The following GPR39 variants were observed in gnomAD, a reference collection of about 807,000 sequenced individuals.
GPR39 encodes zinc sensing receptor.
GPR39 carries 23 observed loss-of-function variants against 18.4 expected under a neutral mutation model. The ratio of observed to expected loss-of-function variants is 1.25; its 90% CI spans 0.90 to 1.77. The LOEUF (loss-of-function observed/expected upper bound fraction) is 1.77. GPR39 is among the 40% of genes most tolerant of loss of function. The probability of loss-of-function intolerance (pLI) is 0.00; values close to 1 mark genes in which losing one functional copy is unlikely to be tolerated. For missense variants in GPR39, 647 were observed against 602.4 expected, an observed-to-expected ratio of 1.07 and a Z score of -0.78; for synonymous variants, 280 against 257.9, an observed-to-expected ratio of 1.09 and a Z score of -0.82.
chr2:132,435,640 T>G (rs530057882), intron 1 of GPR39, among the ~76,000 whole-genome samples: 1 of 152,312 alleles, frequency 6.6e-6, no homozygotes, highest in South Asian at 2.1e-4. Flanking sequence ...TTGCCTATAG[T>G]GACCTTGTGA....
At chr2:132,552,700 C>T (rs145681700) in intron 1 of GPR39, among the ~76,000 whole-genome samples, 1,865 of 151,656 alleles carry the variant, frequency 0.012, 21 homozygotes, top group Non-Finnish European at 0.016. Context: ...TAAATATTGG[C>T]AAGCCTTTAA....
At chr2:132,501,241 T>TA (rs1679031735) in intron 1 of GPR39, among the ~76,000 whole-genome samples, 1 of 152,098 alleles carries the variant, frequency 6.6e-6, no homozygotes, top group Non-Finnish European at 1.5e-5. Flanking sequence ...TGAACTTTCC[T>TA]CTAGCATGGT....
At chr2:132,612,871 T>G (rs1414099181) in intron 1 of GPR39, among the ~76,000 whole-genome samples, 1 of 152,248 alleles carries the variant, frequency 6.6e-6, no homozygotes, top group African/African-American at 2.4e-5. Flanking sequence ...AGGATTTTCA[T>G]TGATCTAAAA....
At chr2:132,497,627 T>A (rs551886407) in intron 1 of GPR39, among the ~76,000 whole-genome samples, 40 of 152,328 alleles carry the variant, frequency 2.6e-4, no homozygotes, top group African/African-American at 9.6e-4. Flanking sequence ...AGAGTCATAA[T>A]TATTTCCCAC....
intron 1 of GPR39, among the ~76,000 whole-genome samples, chr2:132,509,435 CACACTCACACACACAG>C (rs1378375817): frequency 2.5e-5 from 1 of 39,910 alleles, no homozygotes; most frequent in African/African-American, 6.6e-5. Flanking sequence ...ATATCATATA[CACACTCACACACACAG>C]ACACTCACTC....
intron 1 of GPR39, among the ~76,000 whole-genome samples, chr2:132,567,493 G>C (rs936967168): frequency 6.6e-6 from 1 of 152,208 alleles, no homozygotes; most frequent in Non-Finnish European, 1.5e-5. Context: ...CCCTCTCTCT[G>C]TGCGATGCCC....
intron 1 of GPR39, among the ~76,000 whole-genome samples, chr2:132,580,988 C>CACCA (rs1680613050): frequency 7.2e-6 from 1 of 138,038 alleles, no homozygotes; most frequent in African/African-American, 2.8e-5. Flanking sequence ...AAAAAAACAC[C>CACCA]AAAAAAAAAC....
Position 132,613,175 on chromosome 2 carries a change from G to A in GPR39, c.857-31926G>A, listed in dbSNP as rs115799041. 1.9e-3 allele frequency among the ~76,000 whole-genome samples: 287 copies of A among 152,238 alleles called. 1 individual carries two copies. The highest frequency in any genetic ancestry group is 6.3e-3 in the African/African-American group (263 of 41,538). ...GGTTTCCTGTATATGATCATGTAAC[G>A]TGTGACTAATGAGGGTTTTATTTCC... On this transcript the variant is annotated intron_variant, in intron 1 of 1. Coordinates refer to ENST00000329321, the MANE Select transcript of GPR39 (RefSeq NM_001508.3).
intron 1 of GPR39, among the ~76,000 whole-genome samples, chr2:132,539,698 A>T (rs1330198526): frequency 6.6e-6 from 1 of 152,070 alleles, no homozygotes; most frequent in Non-Finnish European, 1.5e-5. Context: ...GATCCATGGG[A>T]ACTTAGCTGG....
At chr2:132,502,715 G>A (rs1233832001) in intron 1 of GPR39, among the ~76,000 whole-genome samples, 1 of 152,050 alleles carries the variant, frequency 6.6e-6, no homozygotes, top group African/African-American at 2.4e-5. Context: ...TTATTCTTAG[G>A]TTTGGACATT....
chr2:132,510,034 T>C (rs1679211685), intron 1 of GPR39, among the ~76,000 whole-genome samples: 1 of 152,228 alleles, frequency 6.6e-6, no homozygotes, highest in Admixed American at 6.5e-5. Flanking sequence ...TTCAAATCCA[T>C]ATATCTCTAA....
At chr2:132,536,425 C>T (rs981636950) in intron 1 of GPR39, among the ~76,000 whole-genome samples, 2 of 152,148 alleles carry the variant, frequency 1.3e-5, no homozygotes, top group Admixed American at 1.3e-4. Context: ...GCACTGTGGT[C>T]TGAGAGACTG....
chr2:132,557,180 ATAT>A (rs1680168556), intron 1 of GPR39, among the ~76,000 whole-genome samples: 1 of 152,054 alleles, frequency 6.6e-6, no homozygotes, highest in Non-Finnish European at 1.5e-5. Flanking sequence ...TTAGCTGGGC[ATAT>A]TGGTGGGCAC....
intron 1 of GPR39, among the ~76,000 whole-genome samples, chr2:132,574,142 T>C (rs1176498758): frequency 1.3e-5 from 2 of 152,226 alleles, no homozygotes; most frequent in Non-Finnish European, 1.5e-5. Flanking sequence ...TTTCTCACTC[T>C]TTGGTCATTT....
rs568771739 is a variant in GPR39, at chr2:132,519,953, G to A, written c.856+102055G>A. Reference sequence around the variant, plus strand: ...GGGACCCCATCACTCACTGCTAAAAGCACTTCGGTAGCTCCCCATTGCCCT... The same window carrying A: ...GGGACCCCATCACTCACTGCTAAAAACACTTCGGTAGCTCCCCATTGCCCT... On this transcript the variant is annotated intron_variant, in intron 1 of 1. Coordinates refer to ENST00000329321, the MANE Select transcript of GPR39 (RefSeq NM_001508.3). 5.9e-5 allele frequency among the ~76,000 whole-genome samples: 9 copies of A among 152,226 alleles called. No individual in the cohort carries two copies. The South Asian group carries it at 1.9e-3, about 32-fold the overall frequency.
intron 1 of GPR39, among the ~76,000 whole-genome samples, chr2:132,507,083 C>T (rs139068281): frequency 3.5e-4 from 53 of 152,138 alleles, no homozygotes; most frequent in African/African-American, 1.2e-3. Context: ...AGGGCAGAGC[C>T]GTTATGATCC....
chr2:132,595,084 C>T (rs990297751), intron 1 of GPR39, among the ~76,000 whole-genome samples: 14 of 152,122 alleles, frequency 9.2e-5, no homozygotes, highest in Non-Finnish European at 1.8e-4. Context: ...CTGCAGCCTC[C>T]GCCGCACAGG....
chr2:132,562,678 C>T (rs1264130045), intron 1 of GPR39, among the ~76,000 whole-genome samples: 2 of 152,112 alleles, frequency 1.3e-5, no homozygotes, highest in Non-Finnish European at 1.5e-5. Flanking sequence ...GAGGGAGCCA[C>T]TGGTAGATAG....
intron 1 of GPR39, among the ~76,000 whole-genome samples, chr2:132,478,008 A>G (rs1681160523): frequency 6.6e-6 from 1 of 152,250 alleles, no homozygotes; most frequent in Non-Finnish European, 1.5e-5. Context: ...GAGGCATTTT[A>G]TTCTATCCCC....
Sources: gnomAD v4.1 joint callset for allele counts (sites outside exome capture counted in the v4.1 genomes callset) on GRCh38, gnomAD v4.1.1 for gene constraint, MANE v1.5 for transcripts, NCBI Gene and HGNC (gene_info 2026-07-23, HGNC 2026-07-21) for gene names.